Variants in DCC observed in about 807,000 individuals in gnomAD.
The protein encoded by DCC is DCC netrin 1 receptor, also known as netrin receptor DCC.
Under a neutral mutation model 172.5 loss-of-function variants are expected in DCC, and 58 were observed. That is an observed-to-expected ratio of 0.34 (90% CI 0.27 to 0.42). The LOEUF (loss-of-function observed/expected upper bound fraction) is 0.42, where lower values mean the gene tolerates loss of function less well. Ranked by LOEUF, DCC falls within the 10% of genes least tolerant of loss-of-function variation. The pLI, the probability that DCC is intolerant of heterozygous loss-of-function variation, is 1.00. For missense variants in DCC, 1,740 were observed against 1,791.0 expected, an observed-to-expected ratio of 0.97 and a Z score of 0.51; for synonymous variants, 709 against 644.5, an observed-to-expected ratio of 1.10 and a Z score of -1.52.
intron 1 of DCC, among the ~76,000 whole-genome samples, chr18:52,679,762 A>T (rs952318774): frequency 1.3e-5 from 2 of 152,154 alleles, no homozygotes; most frequent in Non-Finnish European, 2.9e-5. Flanking sequence ...AAAATTGTGT[A>T]GCAGGTTTAC....
intron 12 of DCC, among the ~76,000 whole-genome samples, chr18:53,288,565 T>C (rs1410712927): frequency 6.6e-6 from 1 of 152,144 alleles, no homozygotes; most frequent in East Asian, 1.9e-4. Context: ...TCTAATGGCT[T>C]TTGTGCAGAT....
rs776080029 is a variant in DCC at position 52,802,643 on chromosome 18, CTTTTTTTTTTTTTTTTTTTTT to C, written c.412+50289_412+50309del. ...ACAGGTACACATCACCACGCCAAGC[CTTTTTTTTTTTTTTTTTTTTT>C]TTTTTTTTTTTTTTTTTTTAATGGA... On this transcript the variant is annotated intron_variant, in intron 2 of 28. Transcript: ENST00000442544. 3.9e-3 allele frequency among the ~76,000 whole-genome samples: 148 copies of C among 38,204 alleles called. 2 individuals carry two copies. The highest frequency in any genetic ancestry group is 7.2e-3 in the African/African-American group (78 of 10,880). The allele number at this position is 38,204 out of a possible 152,430, so 25.1% of individuals were successfully genotyped here. A position where few individuals can be genotyped will look rare whatever the true frequency, so the allele number is the denominator to read the frequency against.
intron 5 of DCC, among the ~76,000 whole-genome samples, chr18:52,962,339 A>C (rs1279354561): frequency 3.3e-5 from 5 of 151,122 alleles, no homozygotes; most frequent in Admixed American, 2.0e-4. Flanking sequence ...ATGCAGCCAA[A>C]AAACACATGA....
rs1907335858 is a variant in DCC, at chr18:53,376,995, C to G, written c.2360-9048C>G. Among the ~76,000 whole-genome samples the G allele has an allele frequency of 5.3e-5, 8 of 152,230 alleles. No homozygotes were observed. In the South Asian group the frequency reaches 1.7e-3, roughly 32 times the overall value. On this transcript the variant is annotated intron_variant, in intron 15 of 28. Transcript: ENST00000442544. ...ATAGCTTCTGTAGTATTCCTACTTT[C>G]AATATCTTTTCCACTTTCCCTGGAC...
chr18:52,762,482 A>G (rs377172246), intron 2 of DCC, among the ~76,000 whole-genome samples: 5 of 149,654 alleles, frequency 3.3e-5, no homozygotes, highest in Non-Finnish European at 5.9e-5. Context: ...CAAAAAAAAA[A>G]AAACAAACAT....
chr18:52,761,772 G>A (rs2037163481), intron 2 of DCC, among the ~76,000 whole-genome samples: 1 of 151,906 alleles, frequency 6.6e-6, no homozygotes, highest in Non-Finnish European at 1.5e-5. Context: ...AACCTTGTTT[G>A]AAAAATTCCC....
chr18:53,428,992 A>T (rs1599141358), intron 21 of DCC, among the ~76,000 whole-genome samples: 1 of 56,534 alleles, frequency 1.8e-5, no homozygotes, highest in South Asian at 4.4e-4. Context: ...TATTTTATAT[A>T]TTTTTTATAT....
intron 1 of DCC, among the ~76,000 whole-genome samples, chr18:52,479,318 C>T (rs1045046782): frequency 2.0e-5 from 3 of 152,274 alleles, no homozygotes; most frequent in Admixed American, 6.5e-5. Context: ...TTAGAAAAAT[C>T]ACTTACCACC....
At position 52,568,340 on chromosome 18, in the gene DCC, T is replaced by C. The variant is rs118170100; in HGVS notation, c.92-183714T>C. ...GATATCTTTCAACAAATGAATGAAA[T>C]AAATGGATAAACAAACTGATACATC... On this transcript the variant is annotated intron_variant, in intron 1 of 28. Transcript: ENST00000442544. 1.6e-3 allele frequency among the ~76,000 whole-genome samples: 238 copies of C among 151,964 alleles called. 6 individuals carry two copies. The South Asian group carries it at 0.022, about 14-fold the overall frequency.
chr18:53,524,486 T>A (rs1298862951), intron 27 of DCC, among the ~76,000 whole-genome samples: 1 of 152,076 alleles, frequency 6.6e-6, no homozygotes, highest in African/African-American at 2.4e-5. Flanking sequence ...CTGTTTAACT[T>A]TAAATGTGTT....
chr18:52,744,852 A>C (rs925328006), intron 1 of DCC, among the ~76,000 whole-genome samples: 44 of 152,342 alleles, frequency 2.9e-4, no homozygotes, highest in Admixed American at 1.2e-3. Context: ...GTGGAACTAA[A>C]ATGGAATAAA....
At chr18:53,367,421 C>T (rs2058018539) in intron 15 of DCC, among the ~76,000 whole-genome samples, 1 of 152,090 alleles carries the variant, frequency 6.6e-6, no homozygotes. Flanking sequence ...GTCTTAAGAG[C>T]ACCCAGGAAG....
At chr18:52,595,600 A>G (rs181592118) in intron 1 of DCC, among the ~76,000 whole-genome samples, 1 of 152,214 alleles carries the variant, frequency 6.6e-6, no homozygotes, top group Non-Finnish European at 1.5e-5. Flanking sequence ...ACCCCTGTGT[A>G]ACCCTTCACT....
At chr18:53,072,288 A>G (rs1274858475) in intron 7 of DCC, among the ~76,000 whole-genome samples, 1 of 152,192 alleles carries the variant, frequency 6.6e-6, no homozygotes, top group African/African-American at 2.4e-5. Flanking sequence ...ATTGTAGTGC[A>G]GGTAGGCAGT....
chr18:52,694,598 T>C (rs2035982540), intron 1 of DCC, among the ~76,000 whole-genome samples: 1 of 151,492 alleles, frequency 6.6e-6, no homozygotes, highest in Non-Finnish European at 1.5e-5. Context: ...TATACTTCTT[T>C]TTACATTCTT....
At chr18:53,260,387 G>A (rs1472751391) in intron 12 of DCC, among the ~76,000 whole-genome samples, 1 of 152,050 alleles carries the variant, frequency 6.6e-6, no homozygotes, top group African/African-American at 2.4e-5. Flanking sequence ...TTTTGGTGTG[G>A]ATGTCCTTTC....
intron 7 of DCC, among the ~76,000 whole-genome samples, chr18:53,130,625 A>G (rs2043637226): frequency 6.6e-6 from 1 of 152,044 alleles, no homozygotes; most frequent in Non-Finnish European, 1.5e-5. Flanking sequence ...GCCTAACACA[A>G]AATTCCGAAC....
intron 1 of DCC, among the ~76,000 whole-genome samples, chr18:52,519,625 G>A (rs2031746847): frequency 6.6e-6 from 1 of 152,144 alleles, no homozygotes; most frequent in Non-Finnish European, 1.5e-5. Context: ...GGTTATGTTT[G>A]CCTCTTTGTG....
At chr18:52,721,291 G>A (rs1047657268) in intron 1 of DCC, among the ~76,000 whole-genome samples, 3 of 152,156 alleles carry the variant, frequency 2.0e-5, no homozygotes, top group Non-Finnish European at 4.4e-5. Context: ...ATTTCAATTT[G>A]GAAAGTCATT....
Sources: gnomAD v4.1 joint callset for allele counts (sites outside exome capture counted in the v4.1 genomes callset) on GRCh38, gnomAD v4.1.1 for gene constraint, MANE v1.5 for transcripts, NCBI Gene and HGNC (gene_info 2026-07-23, HGNC 2026-07-21) for gene names.